The following LMCD1 variants were observed in gnomAD, a reference collection of about 807,000 sequenced individuals.
LMCD1 encodes the protein LIM and cysteine rich domains 1, also known as LIM and cysteine-rich domains protein 1.
LMCD1 carries 32 observed loss-of-function variants against 42.7 expected under a neutral mutation model. That is an observed-to-expected ratio of 0.75 (90% confidence interval 0.57 to 1.01). LMCD1 has a LOEUF of 1.01. Ranked by LOEUF, LMCD1 falls within the 50% of genes least tolerant of loss-of-function variation. LMCD1 has a pLI of 0.00. For synonymous variants in LMCD1, 178 were observed against 184.9 expected (o/e 0.96, Z 0.30); for missense variants, 458 against 483.1 (o/e 0.95, Z 0.49).
intron 1 of LMCD1, among the ~76,000 whole-genome samples, chr3:8,531,483 G>T (rs548003934): frequency 6.6e-6 from 1 of 152,220 alleles, no homozygotes; most frequent in Non-Finnish European, 1.5e-5. Context: ...GGTCCTGCAC[G>T]TTACTATATT....
chr3:8,537,540 A>T (rs1694535673), intron 3 of LMCD1, 100 bp downstream of exon 3: 8 of 1,335,124 alleles, frequency 6.0e-6, no homozygotes, highest in Non-Finnish European at 8.1e-6. Flanking sequence ...GCAAGAGCTC[A>T]AGGTCACAAA....
chr3:8,554,219 G>T (rs1484064712), intron 4 of LMCD1, among the ~76,000 whole-genome samples: 1 of 152,104 alleles, frequency 6.6e-6, no homozygotes, highest in Non-Finnish European at 1.5e-5. Flanking sequence ...GAGAGGTTGG[G>T]GTTGTGATAC....
chr3:8,561,573 C>T lies in LMCD1; in HGVS notation c.724-3859C>T, dbSNP rs376303212. On this transcript the variant is annotated intron_variant, in intron 4 of 5. Coordinates refer to ENST00000157600, the MANE Select transcript of LMCD1 (RefSeq NM_014583.4). ...GCTTACTGATGCCGGATCTCAAGTC[C>T]ACATGATGGAGTAGAAAGAACTTTG... Among the ~76,000 whole-genome samples the T allele has an allele frequency of 7.9e-4, 120 of 152,284 alleles. 1 individual carries two copies. Among genetic ancestry groups the T allele is most frequent in the Middle Eastern group, 3.4e-3 (1 of 292 alleles).
intron 4 of LMCD1, among the ~76,000 whole-genome samples, chr3:8,559,554 T>A (rs1694990361): frequency 6.6e-6 from 1 of 152,180 alleles, no homozygotes; most frequent in Admixed American, 6.5e-5. Context: ...GTATCTCCCC[T>A]CTCAGCCACC....
At chr3:8,567,016 A>T (rs1695142145) in intron 5 of LMCD1, among the ~76,000 whole-genome samples, 1 of 152,226 alleles carries the variant, frequency 6.6e-6, no homozygotes, top group East Asian at 1.9e-4. Context: ...GGGGATCCTT[A>T]CAATATGTCT....
At chr3:8,566,355 CTT>C (rs1695133456) in intron 5 of LMCD1, among the ~76,000 whole-genome samples, 1 of 152,162 alleles carries the variant, frequency 6.6e-6, no homozygotes, top group Non-Finnish European at 1.5e-5. Context: ...AATATACTAA[CTT>C]CATCTTTGGC....
At chr3:8,566,777 C>G (rs761827483) in intron 5 of LMCD1, among the ~76,000 whole-genome samples, 23 of 152,166 alleles carry the variant, frequency 1.5e-4, no homozygotes, top group Non-Finnish European at 1.0e-4. Context: ...ACATTCTAAG[C>G]CTTTCATATG....
chr3:8,539,121 G>A lies in LMCD1; in HGVS notation c.387+1681G>A, dbSNP rs1257525198. 3.3e-5 allele frequency among the ~76,000 whole-genome samples: 5 copies of A among 152,266 alleles called. No homozygotes were observed. The South Asian group carries it at 8.3e-4, about 25-fold the overall frequency. On this transcript the variant is annotated intron_variant, in intron 3 of 5. Transcript: ENST00000157600. ...TATGCGCTACATTCTAATCACATGAGAGAGACCACAAATCACTCTGCAATA... is the reference window on the plus strand; with the variant it reads ...TATGCGCTACATTCTAATCACATGAAAGAGACCACAAATCACTCTGCAATA...
Position 8,567,707 on chromosome 3 carries a change from C to A in LMCD1, c.*109C>A. The A allele has an allele frequency of 9.4e-7, 1 of 1,058,892 alleles. No individual in the cohort carries two copies. The allele number at this position is 1,058,892 out of a possible 1,614,324, so 65.6% of individuals were successfully genotyped here. A position where few individuals can be genotyped will look rare whatever the true frequency, so the allele number is the denominator to read the frequency against. Reference sequence around the variant, plus strand: ...TGTGACAGCAAGCAAGTGAAATAAACAATGATTTGCTTTTCAGTGAGAATA... The same window carrying A: ...TGTGACAGCAAGCAAGTGAAATAAAAAATGATTTGCTTTTCAGTGAGAATA... On this transcript the variant is annotated 3_prime_UTR_variant, in exon 6 of 6. Coordinates refer to ENST00000157600, the MANE Select transcript of LMCD1 (RefSeq NM_014583.4).
At chr3:8,528,053 A>C (rs1457407286) in intron 1 of LMCD1, among the ~76,000 whole-genome samples, 1 of 152,190 alleles carries the variant, frequency 6.6e-6, no homozygotes, top group African/African-American at 2.4e-5. Context: ...CAAGATCTGC[A>C]AGTTAACGTG....
rs2125042398 is a variant in LMCD1 at position 8,568,069 on chromosome 3, A to G, written c.*471A>G. 6.6e-6 allele frequency: 1 copy of G among 152,606 alleles called. No individual in the cohort carries two copies. Among genetic ancestry groups the G allele is most frequent in the Middle Eastern group, 3.4e-3 (1 of 294 alleles). The allele number at this position is 152,606 out of a possible 1,614,324, so 9.5% of individuals were successfully genotyped here. A position where few individuals can be genotyped will look rare whatever the true frequency, so the allele number is the denominator to read the frequency against. On this transcript the variant is annotated 3_prime_UTR_variant, in exon 6 of 6. Transcript: ENST00000157600. ...TCAAGTGGAATTTGAATTTTAAATA[A>G]ACAACTTTTTTTGGCATGATAAACA...
In LMCD1 at chr3:8,551,994, C is replaced by A. The variant is rs1694850242; in HGVS notation, c.723+3091C>A. Among the ~76,000 whole-genome samples the A allele has an allele frequency of 2.6e-5, 4 of 152,180 alleles. No individual in the cohort carries two copies. The South Asian group carries it at 8.3e-4, about 32-fold the overall frequency. On this transcript the variant is annotated intron_variant, in intron 4 of 5. Coordinates refer to ENST00000157600, the MANE Select transcript of LMCD1 (RefSeq NM_014583.4). ...AGAAATTGTAGGACTCAGCCTGACA[C>A]CCCAAAACCGAACAGAGATTAACGG...
intron 2 of LMCD1, among the ~76,000 whole-genome samples, chr3:8,535,153 C>G (rs1480324614): frequency 6.6e-6 from 1 of 152,162 alleles, no homozygotes; most frequent in African/African-American, 2.4e-5. Context: ...TCTTCCTTCT[C>G]CTTCCACTTC....
chr3:8,544,623 C>G (rs1034695391), intron 3 of LMCD1, among the ~76,000 whole-genome samples: 2 of 152,172 alleles, frequency 1.3e-5, no homozygotes, highest in Non-Finnish European at 2.9e-5. Flanking sequence ...TGTACTCCCC[C>G]ACCCCACAAC....
At chr3:8,535,727 C>CTGAT (rs1235827687) in intron 2 of LMCD1, among the ~76,000 whole-genome samples, 1 of 152,218 alleles carries the variant, frequency 6.6e-6, no homozygotes, top group Non-Finnish European at 1.5e-5. Flanking sequence ...TAATTTCCAT[C>CTGAT]TGATTTTCTC....
intron 4 of LMCD1, among the ~76,000 whole-genome samples, chr3:8,557,597 C>G (rs75125741): frequency 6.6e-6 from 1 of 152,118 alleles, no homozygotes; most frequent in Non-Finnish European, 1.5e-5. Context: ...TTCAGTCCTT[C>G]GAGACAGTTC....
chr3:8,555,380 T>G (rs1694916056), intron 4 of LMCD1, among the ~76,000 whole-genome samples: 1 of 152,100 alleles, frequency 6.6e-6, no homozygotes, highest in Non-Finnish European at 1.5e-5. Context: ...AATTTGAAAC[T>G]GCCACTCCTC....
At chr3:8,528,223 C>T (rs1188874761) in intron 1 of LMCD1, among the ~76,000 whole-genome samples, 1 of 152,066 alleles carries the variant, frequency 6.6e-6, no homozygotes, top group Non-Finnish European at 1.5e-5. Flanking sequence ...TCTAGGGGGC[C>T]GGGGGGACAG....
intron 1 of LMCD1, 37 bp downstream of exon 1, chr3:8,502,017 A>T: frequency 7.0e-7 from 1 of 1,435,380 alleles, no homozygotes; most frequent in Non-Finnish European, 9.1e-7. Flanking sequence ...CCAGATTCTT[A>T]CTTTTTCTTG....
Sources: gnomAD v4.1 joint callset for allele counts (sites outside exome capture counted in the v4.1 genomes callset) on GRCh38, gnomAD v4.1.1 for gene constraint, MANE v1.5 for transcripts, NCBI Gene and HGNC (gene_info 2026-07-23, HGNC 2026-07-21) for gene names.